Variants in LRRC4C observed in about 807,000 individuals in gnomAD.
LRRC4C encodes leucine rich repeat containing 4C, also known as leucine-rich repeat-containing protein 4C.
Under a neutral mutation model 33.6 loss-of-function variants are expected in LRRC4C, and 5 were observed. That is an observed-to-expected ratio of 0.15 (90% confidence interval 0.08 to 0.31). The LOEUF (loss-of-function observed/expected upper bound fraction) is 0.31, where lower values mean the gene tolerates loss of function less well. Among genes scored for constraint, LRRC4C ranks in the 10% least tolerant of loss-of-function variants. LRRC4C has a pLI of 1.00. For missense variants in LRRC4C, 560 were observed against 796.7 expected (o/e 0.70, Z 3.58); for synonymous variants, 329 against 302.0 (o/e 1.09, Z -0.93).
chr11:40,263,249 C>G (rs1167519773), intron 4 of LRRC4C, among the ~76,000 whole-genome samples: 1 of 152,036 alleles, frequency 6.6e-6, no homozygotes, highest in African/African-American at 2.4e-5. Context: ...TTTCACACTG[C>G]TATGGGACAT....
chr11:40,924,578 T>C (rs1328502798), intron 2 of LRRC4C, among the ~76,000 whole-genome samples: 2 of 152,120 alleles, frequency 1.3e-5, no homozygotes, highest in Non-Finnish European at 1.5e-5. Context: ...TGGTATTTGA[T>C]AGCACAGTAG....
chr11:40,786,058 G>A (rs2137323174), intron 2 of LRRC4C, among the ~76,000 whole-genome samples: 1 of 152,146 alleles, frequency 6.6e-6, no homozygotes, highest in South Asian at 2.1e-4. Flanking sequence ...AATGTTTCTA[G>A]TCTTTGCATA....
chr11:41,250,710 A>T (rs1364678459), intron 1 of LRRC4C, among the ~76,000 whole-genome samples: 1 of 152,198 alleles, frequency 6.6e-6, no homozygotes, highest in Non-Finnish European at 1.5e-5. Flanking sequence ...ACATTTCTCC[A>T]TAACTATTAA....
At chr11:41,326,519 C>G (rs532341815) in intron 1 of LRRC4C, among the ~76,000 whole-genome samples, 2 of 152,030 alleles carry the variant, frequency 1.3e-5, no homozygotes, top group Non-Finnish European at 2.9e-5. Context: ...CTTGAGAACC[C>G]TAATACACAA....
chr11:40,222,024 T>C (rs749372327), intron 5 of LRRC4C, among the ~76,000 whole-genome samples: 6 of 152,176 alleles, frequency 3.9e-5, no homozygotes, highest in Non-Finnish European at 7.3e-5. Flanking sequence ...TACTAGATTC[T>C]GTATATACAA....
chr11:40,745,476 T>C (rs964728805), intron 2 of LRRC4C, among the ~76,000 whole-genome samples: 6 of 152,182 alleles, frequency 3.9e-5, no homozygotes, highest in African/African-American at 1.4e-4. Flanking sequence ...AATAAACTGA[T>C]AATTGCTTAA....
At chr11:40,863,358 T>C (rs1179316625) in intron 2 of LRRC4C, among the ~76,000 whole-genome samples, 1 of 152,174 alleles carries the variant, frequency 6.6e-6, no homozygotes, top group Non-Finnish European at 1.5e-5. Flanking sequence ...CAAGTAGAAA[T>C]TTAAGGACGG....
At chr11:41,264,113 G>GTTTT (rs1949072106) in intron 1 of LRRC4C, among the ~76,000 whole-genome samples, 1 of 129,066 alleles carries the variant, frequency 7.7e-6, no homozygotes, top group African/African-American at 3.0e-5. Context: ...TTTTTTTTGA[G>GTTTT]ATGGAGTCTC....
intron 1 of LRRC4C, among the ~76,000 whole-genome samples, chr11:41,286,987 C>T (rs1949849340): frequency 6.6e-6 from 1 of 152,144 alleles, no homozygotes; most frequent in African/African-American, 2.4e-5. Context: ...TGAGATAAAG[C>T]TTCAGCAATT....
At chr11:41,003,816 C>T (rs1474665446) in intron 1 of LRRC4C, among the ~76,000 whole-genome samples, 3 of 151,920 alleles carry the variant, frequency 2.0e-5, no homozygotes, top group Non-Finnish European at 2.9e-5. Context: ...CCAAGCAGGT[C>T]TGCCTGGCTC....
chr11:40,952,108 C>T (rs1410903519), intron 1 of LRRC4C, among the ~76,000 whole-genome samples: 1 of 151,768 alleles, frequency 6.6e-6, no homozygotes, highest in Non-Finnish European at 1.5e-5. Context: ...CACATACTGT[C>T]CAAGGCATCT....
intron 1 of LRRC4C, among the ~76,000 whole-genome samples, chr11:41,399,387 C>T (rs141603551): frequency 7.2e-5 from 11 of 151,866 alleles, no homozygotes; most frequent in African/African-American, 2.2e-4. Flanking sequence ...GGCCAAGTGT[C>T]GGGAGAACAA....
intron 1 of LRRC4C, among the ~76,000 whole-genome samples, chr11:41,028,340 A>C (rs1221766124): frequency 6.6e-6 from 1 of 151,652 alleles, no homozygotes; most frequent in Non-Finnish European, 1.5e-5. Flanking sequence ...TTCAAAATAG[A>C]CTTTTGATTA....
intron 3 of LRRC4C, among the ~76,000 whole-genome samples, chr11:40,585,150 A>G (rs1465537122): frequency 1.3e-5 from 2 of 152,076 alleles, no homozygotes; most frequent in Admixed American, 6.6e-5. Context: ...GAATTTTAAG[A>G]AATAAATAAC....
chr11:40,381,850 A>G (rs1186078662), intron 3 of LRRC4C, among the ~76,000 whole-genome samples: 2 of 151,526 alleles, frequency 1.3e-5, no homozygotes, highest in African/African-American at 4.8e-5. Flanking sequence ...TGAATTATTC[A>G]TTGTGTAAAT....
chr11:40,614,643 C>A (rs1160628099), intron 3 of LRRC4C, among the ~76,000 whole-genome samples: 1 of 151,646 alleles, frequency 6.6e-6, no homozygotes, highest in East Asian at 1.9e-4. Flanking sequence ...TTTTGACTTG[C>A]CTTCTTCACT....
At chr11:40,778,185 C>G (rs1174859001) in intron 2 of LRRC4C, among the ~76,000 whole-genome samples, 1 of 152,068 alleles carries the variant, frequency 6.6e-6, no homozygotes, top group Non-Finnish European at 1.5e-5. Flanking sequence ...TTTGTGGTGA[C>G]AGATATCATT....
At chr11:40,860,600 C>T (rs2135836668) in intron 2 of LRRC4C, among the ~76,000 whole-genome samples, 1 of 152,142 alleles carries the variant, frequency 6.6e-6, no homozygotes, top group Admixed American at 6.5e-5. Context: ...ACGGGGTGTA[C>T]TACCAGTGCA....
intron 3 of LRRC4C, among the ~76,000 whole-genome samples, chr11:40,611,127 T>A (rs564053388): frequency 6.6e-6 from 1 of 151,950 alleles, no homozygotes; most frequent in East Asian, 1.9e-4. Context: ...TCAAAACATA[T>A]TACAAAGGTA....
Sources: allele counts gnomAD v4.1 joint callset (sites outside exome capture counted in the v4.1 genomes callset), GRCh38; gene constraint gnomAD v4.1.1; transcripts MANE v1.5; gene names NCBI Gene and HGNC (gene_info 2026-07-23, HGNC 2026-07-21).